Variants in SPPL3 observed in about 807,000 individuals in gnomAD.
SPPL3 encodes signal peptide peptidase-like 3.
Under a neutral mutation model 42.4 loss-of-function variants are expected in SPPL3, and 5 were observed. The ratio of observed to expected loss-of-function variants is 0.12; its 90% CI spans 0.06 to 0.25. The LOEUF (loss-of-function observed/expected upper bound fraction) is 0.25. SPPL3 is among the 10% of genes least tolerant of loss of function. The pLI is 1.00. For missense variants in SPPL3, 235 were observed against 489.0 expected (o/e 0.48, Z 4.90); for synonymous variants, 195 against 181.8 (o/e 1.07, Z -0.58).
intron 6 of SPPL3, among the ~76,000 whole-genome samples, chr12:120,782,270 C>T (rs117658566): frequency 0.014 from 2,161 of 152,136 alleles, 20 homozygotes; most frequent in Non-Finnish European, 0.025. Flanking sequence ...AACCGGTAAA[C>T]GAATAAATAA....
chr12:120,790,563 G>A (rs1869881042), intron 3 of SPPL3, among the ~76,000 whole-genome samples: 1 of 152,066 alleles, frequency 6.6e-6, no homozygotes, highest in East Asian at 1.9e-4. Flanking sequence ...CTGAAATGAC[G>A]ACTTCTCCAC....
chr12:120,782,909 G>A, intron 5 of SPPL3, 142 bp from the exon 6 acceptor site: 1 of 634,446 alleles, frequency 1.6e-6, no homozygotes. Flanking sequence ...ATCCTTTTTT[G>A]GAGAAACCTA....
intron 1 of SPPL3, among the ~76,000 whole-genome samples, chr12:120,875,109 C>CA (rs1873047502): frequency 1.3e-5 from 2 of 152,314 alleles, no homozygotes; most frequent in Admixed American, 1.3e-4. Context: ...TGAGCTGCCT[C>CA]AGCAGAGGAC....
At chr12:120,774,054 G>A (rs1485036018) in intron 6 of SPPL3, among the ~76,000 whole-genome samples, 1 of 152,158 alleles carries the variant, frequency 6.6e-6, no homozygotes, top group Non-Finnish European at 1.5e-5. Context: ...ACTAAACATG[G>A]AACAGACTGC....
chr12:120,892,288 G>A (rs1157886852), intron 1 of SPPL3, among the ~76,000 whole-genome samples: 1 of 152,152 alleles, frequency 6.6e-6, no homozygotes, highest in East Asian at 1.9e-4. Flanking sequence ...AAAACGGGAA[G>A]ATGGTCATAT....
At chr12:120,779,121 A>T (rs1307597514) in intron 6 of SPPL3, among the ~76,000 whole-genome samples, 5 of 152,218 alleles carry the variant, frequency 3.3e-5, no homozygotes. Context: ...CAAACAATGG[A>T]CCAAATACTA....
chr12:120,787,410 T>C (rs1232493749), intron 3 of SPPL3, among the ~76,000 whole-genome samples: 1 of 152,166 alleles, frequency 6.6e-6, no homozygotes, highest in African/African-American at 2.4e-5. Context: ...TGATGTGCCA[T>C]GGGAAAATAA....
In SPPL3 at chr12:120,791,664, T is replaced by G. The variant is rs1869920609; in HGVS notation, c.102-107A>C. On this transcript the variant is annotated intron_variant, in intron 2 of 10. Transcript: ENST00000353487. ...TGCCAAGGAATTAGGAAAGAAGGTCTCTTTTGAACAACTCTGAAAAATAGC... is the reference window on the plus strand; with the variant it reads ...TGCCAAGGAATTAGGAAAGAAGGTCGCTTTTGAACAACTCTGAAAAATAGC... The G allele has an allele frequency of 1.1e-5, 8 of 708,628 alleles. No individual in the cohort carries two copies. In the South Asian group the frequency reaches 1.3e-4, roughly 12 times the overall value. The allele number at this position is 708,628 out of a possible 1,614,324, so 43.9% of individuals were successfully genotyped here.
chr12:120,817,772 CA>C (rs1566050297), intron 1 of SPPL3, among the ~76,000 whole-genome samples: 1 of 152,172 alleles, frequency 6.6e-6, no homozygotes, highest in Admixed American at 6.5e-5. Flanking sequence ...AGAGCGGTTT[CA>C]AAAATGTCTA....
rs577169675 is a variant in SPPL3 at position 120,859,082 on chromosome 12, A to AT, written c.23+44762dup. ...AAAATCTCTCTATGGGTAACTTTTAATTTTTTTTCTATAAAGAAAACATAC... is the reference window on the plus strand; with the variant it reads ...AAAATCTCTCTATGGGTAACTTTTAATTTTTTTTTCTATAAAGAAAACATAC... On this transcript the variant is annotated intron_variant, in intron 1 of 10. Transcript: ENST00000353487. Among the ~76,000 whole-genome samples, 43 of 150,536 alleles carry AT rather than the reference A, an allele frequency of 2.9e-4. No individual in the cohort carries two copies. The South Asian group carries it at 8.8e-3, about 31-fold the overall frequency.
At chr12:120,903,041 T>C (rs1874033117) in intron 1 of SPPL3, among the ~76,000 whole-genome samples, 1 of 152,136 alleles carries the variant, frequency 6.6e-6, no homozygotes, top group Non-Finnish European at 1.5e-5. Context: ...AACGAGCTAC[T>C]TACTAACTTT....
At chr12:120,792,791 C>A (rs566806210) in intron 2 of SPPL3, among the ~76,000 whole-genome samples, 1 of 151,900 alleles carries the variant, frequency 6.6e-6, no homozygotes, top group Non-Finnish European at 1.5e-5. Flanking sequence ...TGGACATCAG[C>A]CACATCATGT....
At chr12:120,794,039 T>A (rs1406112179) in intron 2 of SPPL3, among the ~76,000 whole-genome samples, 2 of 152,372 alleles carry the variant, frequency 1.3e-5, no homozygotes, top group East Asian at 3.9e-4. Flanking sequence ...CTCCTTGCAG[T>A]TCTCTCAGTT....
chr12:120,765,125 TG>T, intron 10 of SPPL3, 55 bp from the exon 11 acceptor site: 2 of 1,552,236 alleles, frequency 1.3e-6, no homozygotes, highest in Admixed American at 4.0e-5. Context: ...CACACACAGC[TG>T]TCTGATTCTT....
chr12:120,820,831 G>A (rs1356286029), intron 1 of SPPL3, among the ~76,000 whole-genome samples: 1 of 151,018 alleles, frequency 6.6e-6, no homozygotes, highest in East Asian at 2.0e-4. Flanking sequence ...AGTGGCTCAC[G>A]CCTGTAATCC....
At chr12:120,781,125 T>C (rs556473982) in intron 6 of SPPL3, among the ~76,000 whole-genome samples, 4 of 152,152 alleles carry the variant, frequency 2.6e-5, no homozygotes, top group African/African-American at 7.2e-5. Flanking sequence ...AGATGATCCA[T>C]GTAAAGCACC....
intron 6 of SPPL3, among the ~76,000 whole-genome samples, chr12:120,776,821 G>C (rs79619960): frequency 3.7e-4 from 57 of 152,316 alleles, no homozygotes; most frequent in African/African-American, 1.3e-3. Context: ...CAAAAAGTTA[G>C]CAGTGGGATT....
intron 6 of SPPL3, among the ~76,000 whole-genome samples, chr12:120,775,173 CAG>C (rs1869270173): frequency 6.6e-6 from 1 of 152,100 alleles, no homozygotes; most frequent in South Asian, 2.1e-4. Context: ...TATTTAGAGG[CAG>C]AGTCTCACTC....
chr12:120,865,504 T>A (rs1446762798), intron 1 of SPPL3, among the ~76,000 whole-genome samples: 4 of 152,228 alleles, frequency 2.6e-5, no homozygotes, highest in Non-Finnish European at 5.9e-5. Flanking sequence ...GCTGTGAGGA[T>A]TCAACAACCT....
Sources: gnomAD v4.1 joint callset for allele counts (sites outside exome capture counted in the v4.1 genomes callset) on GRCh38, gnomAD v4.1.1 for gene constraint, MANE v1.5 for transcripts, NCBI Gene and HGNC (gene_info 2026-07-23, HGNC 2026-07-21) for gene names.